The following KIF6 variants were observed in gnomAD, a reference collection of about 807,000 sequenced individuals.
KIF6 encodes the protein kinesin family member 6.
In KIF6, 106 loss-of-function variants were observed where a neutral mutation model predicts 112.7. That is an observed-to-expected ratio of 0.94 (90% CI 0.80 to 1.11). The LOEUF (loss-of-function observed/expected upper bound fraction) is 1.11. KIF6 is among the 50% of genes least tolerant of loss of function. The probability of loss-of-function intolerance (pLI) is 0.00; values close to 1 mark genes in which losing one functional copy is unlikely to be tolerated. For missense variants in KIF6, 929 were observed against 964.0 expected, an observed-to-expected ratio of 0.96 and a Z score of 0.48; for synonymous variants, 339 against 339.9, an observed-to-expected ratio of 1.00 and a Z score of 0.03.
chr6:39,601,216 G>C (rs1782552362), intron 6 of KIF6, among the ~76,000 whole-genome samples: 1 of 151,946 alleles, frequency 6.6e-6, no homozygotes, highest in Non-Finnish European at 1.5e-5. Flanking sequence ...CCCATGGATG[G>C]ATATCCAACC....
At chr6:39,680,044 T>C (rs1379015896) in intron 3 of KIF6, among the ~76,000 whole-genome samples, 1 of 152,126 alleles carries the variant, frequency 6.6e-6, no homozygotes, top group Non-Finnish European at 1.5e-5. Flanking sequence ...GGTCTCATGC[T>C]GTTGCCCAGG....
chr6:39,347,343 G>A (rs914653187), intron 19 of KIF6, among the ~76,000 whole-genome samples: 3 of 152,212 alleles, frequency 2.0e-5, no homozygotes, highest in African/African-American at 7.2e-5. Flanking sequence ...GCTTCATGCT[G>A]AGAGAGGAGT....
chr6:39,510,888 A>AAAAAAAAAAAC, intron 13 of KIF6, among the ~76,000 whole-genome samples: 1 of 150,172 alleles, frequency 6.7e-6, no homozygotes, highest in Non-Finnish European at 1.5e-5. Context: ...AAAAAAAAAA[A>AAAAAAAAAAAC]AAAAAAAAAG....
rs549318673 is a variant in KIF6 at position 39,357,118 on chromosome 6, C to T, written c.2180+159G>A. Among the ~76,000 whole-genome samples the T allele has an allele frequency of 3.3e-5, 5 of 152,332 alleles. No individual in the cohort carries two copies. In the East Asian group the frequency reaches 9.7e-4, roughly 29 times the overall value. ...TGCACTCCAACCAACTTGAAAGCCA[C>T]TGTCTTGAGTATCTACGACTAATTA... On this transcript the variant is annotated intron_variant, in intron 19 of 22. Coordinates refer to ENST00000287152, the MANE Select transcript of KIF6 (RefSeq NM_145027.6).
intron 13 of KIF6, among the ~76,000 whole-genome samples, chr6:39,518,431 A>G (rs1207664373): frequency 1.3e-5 from 2 of 152,232 alleles, no homozygotes; most frequent in Non-Finnish European, 2.9e-5. Flanking sequence ...AATGTTCAAC[A>G]GCTCTTTTTC....
intron 13 of KIF6, among the ~76,000 whole-genome samples, chr6:39,445,167 G>C (rs917983253): frequency 6.6e-6 from 1 of 152,176 alleles, no homozygotes; most frequent in African/African-American, 2.4e-5. Context: ...CATTAAATAG[G>C]TTATACACTT....
At chr6:39,497,057 C>T (rs1191097623) in intron 13 of KIF6, among the ~76,000 whole-genome samples, 2 of 152,224 alleles carry the variant, frequency 1.3e-5, no homozygotes, top group African/African-American at 4.8e-5. Context: ...AGCCGTGTGG[C>T]CATGTGCAGC....
At chr6:39,337,304 CTTCTTTCTTT>C (rs958358789) in intron 22 of KIF6, among the ~76,000 whole-genome samples, 101 of 141,774 alleles carry the variant, frequency 7.1e-4, no homozygotes, top group Non-Finnish European at 1.3e-3. Flanking sequence ...TCCTTCCTTC[CTTCTTTCTTT>C]TTCTTTCTTT....
At chr6:39,570,178 C>G (rs189618254) in intron 10 of KIF6, among the ~76,000 whole-genome samples, 1 of 151,906 alleles carries the variant, frequency 6.6e-6, no homozygotes, top group Non-Finnish European at 1.5e-5. Flanking sequence ...AAAGAAATGC[C>G]CCAAACCGAT....
chr6:39,543,274 C>T (rs1778888792), intron 12 of KIF6, among the ~76,000 whole-genome samples: 1 of 152,020 alleles, frequency 6.6e-6, no homozygotes, highest in Non-Finnish European at 1.5e-5. Flanking sequence ...GACTGAGGTC[C>T]AGGCCGAGAC....
intron 16 of KIF6, among the ~76,000 whole-genome samples, chr6:39,373,191 A>C (rs2150289115): frequency 6.6e-6 from 1 of 152,378 alleles, no homozygotes; most frequent in East Asian, 1.9e-4. Context: ...TGATTTCTGC[A>C]CAGTTGCATG....
At position 39,598,345 on chromosome 6, in the gene KIF6, AC is replaced by A. The variant is rs796709129; in HGVS notation, c.640-2086del. Among the ~76,000 whole-genome samples the A allele has an allele frequency of 3.9e-5, 6 of 152,328 alleles. No individual in the cohort carries two copies. The East Asian group carries it at 1.2e-3, about 29-fold the overall frequency. On this transcript the variant is annotated intron_variant, in intron 6 of 22. Transcript: ENST00000287152. ...CTCAAATTTATACATAATCAGAACC[AC>A]ATAACTTAGAACCATAAGGTTTAAA...
chr6:39,508,505 C>A (rs1285671833), intron 13 of KIF6, among the ~76,000 whole-genome samples: 1 of 152,100 alleles, frequency 6.6e-6, no homozygotes, highest in African/African-American at 2.4e-5. Flanking sequence ...TACACTTCTG[C>A]CCAAATACTG....
At chr6:39,339,554 T>C (rs1203244623) in intron 22 of KIF6, among the ~76,000 whole-genome samples, 2 of 133,760 alleles carry the variant, frequency 1.5e-5, no homozygotes, top group Non-Finnish European at 3.3e-5. Context: ...AGACTTGTGG[T>C]TATGGGGGTC....
chr6:39,463,401 T>C (rs1773595718), intron 13 of KIF6, among the ~76,000 whole-genome samples: 5 of 152,234 alleles, frequency 3.3e-5, no homozygotes, highest in Admixed American at 3.3e-4. Flanking sequence ...TTTTTTCAGA[T>C]TTTAAAATAA....
At chr6:39,489,460 C>T (rs1775329249) in intron 13 of KIF6, among the ~76,000 whole-genome samples, 1 of 151,994 alleles carries the variant, frequency 6.6e-6, no homozygotes, top group African/African-American at 2.4e-5. Context: ...TTATTTCTTA[C>T]TTGTGGTGAG....
intron 16 of KIF6, among the ~76,000 whole-genome samples, chr6:39,373,364 G>A (rs1048040195): frequency 1.3e-5 from 2 of 152,190 alleles, no homozygotes; most frequent in Non-Finnish European, 2.9e-5. Flanking sequence ...ACTGTGTCTT[G>A]TGGAGGCCTT....
At chr6:39,345,660 G>T in intron 21 of KIF6, 40 bp downstream of exon 21, 1 of 1,552,776 alleles carries the variant, frequency 6.4e-7, no homozygotes, top group Non-Finnish European at 8.8e-7. Flanking sequence ...TCCGCCCACT[G>T]CAGGGGCTGT....
Position 39,544,672 on chromosome 6 carries a change from T to A in KIF6, c.1309A>T (p.Ile437Phe). 1 of 1,600,574 alleles carries A rather than the reference T, an allele frequency of 6.2e-7. No individual in the cohort carries two copies. Among genetic ancestry groups the A allele is most frequent in the Non-Finnish European group, 8.5e-7 (1 of 1,175,388 alleles). ...HLKKLLNDKKILENNTVSSES... is the reference protein window; with the variant it reads ...HLKKLLNDKKFLENNTVSSES... ...GAGGAGACTGTATTGTTTTCAAGGA[T>A]CTTCTTGTCATTCAATAGTTTCTGT... Residue 437 changes from isoleucine to phenylalanine, a missense_variant, in exon 12 of 23, where the codon ATC becomes TTC. Coordinates refer to ENST00000287152, the MANE Select transcript of KIF6 (RefSeq NM_145027.6).
Sources: allele counts gnomAD v4.1 joint callset (sites outside exome capture counted in the v4.1 genomes callset), GRCh38; gene constraint gnomAD v4.1.1; transcripts MANE v1.5; gene names NCBI Gene and HGNC (gene_info 2026-07-23, HGNC 2026-07-21).